The following NDUFA10 variants were observed in gnomAD, a reference collection of about 807,000 sequenced individuals.
NDUFA10 encodes the protein NADH dehydrogenase [ubiquinone] 1 alpha subcomplex subunit 10, mitochondrial.
In NDUFA10, 40 loss-of-function variants were observed where a neutral mutation model predicts 47.8. The observed-to-expected ratio is 0.84, with a 90% CI of 0.65 to 1.09. The LOEUF (loss-of-function observed/expected upper bound fraction) is 1.09, where lower values mean the gene tolerates loss of function less well. NDUFA10 is among the 50% of genes least tolerant of loss of function. The probability of loss-of-function intolerance (pLI) is 0.00; values close to 1 mark genes in which losing one functional copy is unlikely to be tolerated. For synonymous variants in NDUFA10, 183 were observed against 172.2 expected (o/e 1.06, Z -0.49); for missense variants, 413 against 451.1 (o/e 0.92, Z 0.76).
chr2:239,925,134 G>A (rs1574782640), intron 4 of NDUFA10, among the ~76,000 whole-genome samples: 1 of 152,148 alleles, frequency 6.6e-6, no homozygotes, highest in Non-Finnish European at 1.5e-5. Context: ...TATAGTCTTA[G>A]TGTAGTTCTT....
chr2:239,931,483 G>A (rs761611216), intron 4 of NDUFA10, among the ~76,000 whole-genome samples: 1 of 152,238 alleles, frequency 6.6e-6, no homozygotes, highest in Non-Finnish European at 1.5e-5. Context: ...AGGTGGACAC[G>A]TTCTGGGGAC....
rs1559400369 is a variant in NDUFA10 at position 240,016,948 on chromosome 2, A to G, written c.547+1605T>C. ...CTTCCCCCTTAGCGGCCCACTAGCC[A>G]GGGCAGGTCCACGCCACTCCCCACT... On this transcript the variant is annotated intron_variant, in intron 4 of 9. Coordinates refer to ENST00000252711, the MANE Select transcript of NDUFA10 (RefSeq NM_004544.4). This position sits in a 1 kb window ranked among gnomAD's most constrained non-coding sequence, Gnocchi z 4.4. 6.6e-6 allele frequency among the ~76,000 whole-genome samples: 1 copy of G among 152,070 alleles called. No individual in the cohort carries two copies. The highest frequency in any genetic ancestry group is 2.4e-5 in the African/African-American group (1 of 41,390).
At chr2:239,907,536 T>C (rs1288244656) in intron 4 of NDUFA10, among the ~76,000 whole-genome samples, 2 of 152,084 alleles carry the variant, frequency 1.3e-5, no homozygotes, top group Non-Finnish European at 2.9e-5. Context: ...ACAAAGAACT[T>C]AAACAAATTT....
chr2:239,944,714 C>T (rs1291324730), intron 4 of NDUFA10, among the ~76,000 whole-genome samples: 1 of 152,182 alleles, frequency 6.6e-6, no homozygotes, highest in Admixed American at 6.5e-5. Context: ...TGCAGCTCGA[C>T]AGCCCCTGGT....
intron 4 of NDUFA10, among the ~76,000 whole-genome samples, chr2:239,932,962 C>T (rs1282695773): frequency 1.3e-5 from 2 of 152,190 alleles, no homozygotes; most frequent in African/African-American, 4.8e-5. Flanking sequence ...AGCGAGACTC[C>T]ACCGTACACG....
Position 239,928,635 on chromosome 2 carries a change from A to C in NDUFA10, c.295-33321T>G, listed in dbSNP as rs1574784617. Among the ~76,000 whole-genome samples, 1 of 151,672 alleles carries C rather than the reference A, an allele frequency of 6.6e-6. No homozygotes were observed. Among genetic ancestry groups the C allele is most frequent in the Admixed American group, 6.6e-5 (1 of 15,246 alleles). On this transcript the variant is annotated intron_variant, in intron 4 of 5. Transcript: ENST00000419408. The surrounding 1 kb of genome is among the most constrained non-coding windows in gnomAD (Gnocchi z 4.3). ...GACCTCATCCAGGGCCCTGGGGGAC[A>C]CTCTCACCTGTGATTCCCAAGCTGT...
At chr2:240,014,917 A>AAC in intron 4 of NDUFA10, 57 bp from the exon 5 acceptor site, 1 of 1,612,190 alleles carries the variant, frequency 6.2e-7, no homozygotes, top group South Asian at 1.1e-5. Flanking sequence ...GGGTTTCCAA[A>AAC]ACACACTCCT....
At chr2:239,935,837 T>C (rs1367679838) in intron 4 of NDUFA10, among the ~76,000 whole-genome samples, 1 of 152,150 alleles carries the variant, frequency 6.6e-6, no homozygotes, top group East Asian at 1.9e-4. Context: ...TTGTGAGGCC[T>C]CCCCAGCCAC....
At chr2:239,999,014 T>A (rs1241290593) in intron 8 of NDUFA10, among the ~76,000 whole-genome samples, 1 of 152,162 alleles carries the variant, frequency 6.6e-6, no homozygotes, top group South Asian at 2.1e-4. Flanking sequence ...AAGGACCACA[T>A]GGAGCTGAGC....
At chr2:239,895,313 A>C (rs967882862) in exon 5 of NDUFA10, 4 of 466,236 alleles carry the variant, frequency 8.6e-6, no homozygotes, top group African/African-American at 8.0e-5. Flanking sequence ...GTCTGCTGGG[A>C]CCTAGAGACG....
At chr2:239,974,245 T>C (rs985784098) in intron 9 of NDUFA10, among the ~76,000 whole-genome samples, 1 of 152,186 alleles carries the variant, frequency 6.6e-6, no homozygotes, top group Non-Finnish European at 1.5e-5. Context: ...CTGTTTTAGA[T>C]GAAAACTTGG....
At chr2:240,004,496 T>C (rs1696859785) in intron 8 of NDUFA10, among the ~76,000 whole-genome samples, 1 of 142,616 alleles carries the variant, frequency 7.0e-6, no homozygotes, top group African/African-American at 2.8e-5. Context: ...ATCCGCCTTC[T>C]GCTGTGGCCT....
intron 4 of NDUFA10, chr2:240,017,885 A>G: frequency 6.4e-7 from 1 of 1,569,412 alleles, no homozygotes; most frequent in Non-Finnish European, 8.6e-7. Flanking sequence ...CCAGCTTTCC[A>G]CTGGCTCCAG....
rs149289644 is a variant in NDUFA10 at position 240,001,033 on chromosome 2, G to A, written c.890+4177C>T. Among the ~76,000 whole-genome samples the A allele has an allele frequency of 3.4e-3, 513 of 152,330 alleles. 8 individuals carry two copies. Among genetic ancestry groups the A allele is most frequent in the African/African-American group, 0.012 (480 of 41,580 alleles). ...GTGCTCAATCCTGCAAGGGTGGTGA[G>A]CACATCACTCGGAAGGTCAGCTCTC... On this transcript the variant is annotated intron_variant, in intron 8 of 9. Transcript: ENST00000252711.
At chr2:240,005,154 C>T in intron 8 of NDUFA10, 56 bp downstream of exon 8, 2 of 1,429,014 alleles carry the variant, frequency 1.4e-6, no homozygotes, top group South Asian at 2.3e-5. Context: ...CCCTAAGTTT[C>T]CCCATCATGC....
At chr2:239,914,027 C>T (rs11892902) in intron 4 of NDUFA10, among the ~76,000 whole-genome samples, 28,637 of 152,140 alleles carry the variant, frequency 0.19, 3,173 homozygotes, top group African/African-American at 0.3. Flanking sequence ...TAGCACAGGA[C>T]AGCACAAAAC....
intron 4 of NDUFA10, among the ~76,000 whole-genome samples, chr2:239,912,084 C>G (rs920487130): frequency 2.1e-4 from 32 of 152,168 alleles, no homozygotes; most frequent in African/African-American, 7.2e-4. Context: ...ACAGAACTTT[C>G]TAAAGGACTC....
chr2:240,024,789 C>T (rs748237861), intron 1 of NDUFA10, among the ~76,000 whole-genome samples: 1 of 152,158 alleles, frequency 6.6e-6, no homozygotes, highest in Non-Finnish European at 1.5e-5. Flanking sequence ...AGAGTAAAGG[C>T]AAAAGGAAGC....
intron 4 of NDUFA10, among the ~76,000 whole-genome samples, chr2:239,900,805 C>G (rs1346613665): frequency 6.6e-6 from 1 of 152,162 alleles, no homozygotes; most frequent in East Asian, 1.9e-4. Context: ...GACGGTAAAG[C>G]TAGAGAAGGA....
Sources: gnomAD v4.1 joint callset for allele counts (sites outside exome capture counted in the v4.1 genomes callset) on GRCh38, gnomAD v4.1.1 for gene constraint, Gnocchi (gnomAD v3.1) non-coding constraint, MANE v1.5 for transcripts, NCBI Gene and HGNC (gene_info 2026-07-23, HGNC 2026-07-21) for gene names.